Variants in NAALADL2 observed in about 807,000 individuals in gnomAD.
The protein encoded by NAALADL2 is N-acetylated alpha-linked acidic dipeptidase like 2, also known as inactive N-acetylated-alpha-linked acidic dipeptidase-like protein 2.
NAALADL2 carries 76 observed loss-of-function variants against 87.2 expected under a neutral mutation model. The observed-to-expected ratio is 0.87, with a 90% CI of 0.72 to 1.05. The LOEUF (loss-of-function observed/expected upper bound fraction) is 1.05. Ranked by LOEUF, NAALADL2 falls within the 50% of genes least tolerant of loss-of-function variation. The pLI is 0.00. For missense variants in NAALADL2, 1,089 were observed against 945.8 expected (o/e 1.15, Z -1.99); for synonymous variants, 354 against 331.0 (o/e 1.07, Z -0.75).
At chr3:174,906,308 C>T (rs1271008217) in intron 1 of NAALADL2, among the ~76,000 whole-genome samples, 1 of 152,066 alleles carries the variant, frequency 6.6e-6, no homozygotes, top group African/African-American at 2.4e-5. Flanking sequence ...CCTCTAATAT[C>T]CCTGCTTCTT....
At chr3:174,840,119 C>T (rs984808040) in intron 3 of NAALADL2, among the ~76,000 whole-genome samples, 10 of 151,066 alleles carry the variant, frequency 6.6e-5, no homozygotes, top group East Asian at 3.9e-4. Context: ...CATCAATCAA[C>T]GAGTGGATAA....
chr3:175,674,829 A>T (rs1380996351), intron 11 of NAALADL2, among the ~76,000 whole-genome samples: 2 of 152,218 alleles, frequency 1.3e-5, no homozygotes, highest in Non-Finnish European at 2.9e-5. Context: ...AGTTATACTT[A>T]AAAACACTGT....
intron 6 of NAALADL2, among the ~76,000 whole-genome samples, chr3:175,448,110 A>G (rs1009149622): frequency 1.9e-4 from 29 of 152,376 alleles, no homozygotes; most frequent in African/African-American, 7.0e-4. Context: ...CAACAAAAGC[A>G]TACAAAAAAG....
At chr3:175,030,740 TTAATG>T (rs1318575827) in intron 1 of NAALADL2, among the ~76,000 whole-genome samples, 3 of 152,150 alleles carry the variant, frequency 2.0e-5, no homozygotes, top group African/African-American at 7.2e-5. Context: ...GTACAAATCT[TTAATG>T]TAAGGAAGAA....
At chr3:175,306,084 T>C (rs1757686309) in intron 4 of NAALADL2, among the ~76,000 whole-genome samples, 1 of 152,108 alleles carries the variant, frequency 6.6e-6, no homozygotes, top group Admixed American at 6.5e-5. Flanking sequence ...AAAATGTATA[T>C]GTTTTATTTT....
At chr3:174,979,655 C>T (rs1372199049) in intron 1 of NAALADL2, among the ~76,000 whole-genome samples, 1 of 151,918 alleles carries the variant, frequency 6.6e-6, no homozygotes, top group Non-Finnish European at 1.5e-5. Flanking sequence ...ATCTAAAATA[C>T]AGAATTATTT....
chr3:175,087,381 C>A (rs542344430), intron 1 of NAALADL2, among the ~76,000 whole-genome samples: 10 of 152,146 alleles, frequency 6.6e-5, no homozygotes, highest in Non-Finnish European at 1.5e-4. Context: ...AGCGCCTCTG[C>A]CCGGCCGCCA....
chr3:175,576,240 A>C, intron 10 of NAALADL2, 53 bp downstream of exon 10: 1 of 1,501,908 alleles, frequency 6.7e-7, no homozygotes, highest in South Asian at 1.3e-5. Context: ...GTAGACCTGC[A>C]GAATTTGATT....
rs570104702 is a variant in NAALADL2 at position 174,891,088 on chromosome 3, C to T, written c.43+31638C>T. ...TCCATATCACAAATTATACTCTTAA[C>T]CAGGAATGCAAGGAGGTCTTCAGTA... is the stretch of plus-strand genomic sequence containing the variant. On this transcript the variant is annotated intron_variant, in intron 1 of 13. Transcript: ENST00000454872. 2.6e-5 allele frequency among the ~76,000 whole-genome samples: 4 copies of T among 151,832 alleles called. 1 individual carries two copies.
At chr3:175,470,137 T>C (rs1724650190) in intron 8 of NAALADL2, among the ~76,000 whole-genome samples, 1 of 152,028 alleles carries the variant, frequency 6.6e-6, no homozygotes, top group Non-Finnish European at 1.5e-5. Flanking sequence ...AAGAGATAAG[T>C]TTCTTGTTTT....
At chr3:175,684,782 G>A (rs1736043951) in intron 11 of NAALADL2, among the ~76,000 whole-genome samples, 1 of 152,030 alleles carries the variant, frequency 6.6e-6, no homozygotes, top group African/African-American at 2.4e-5. Context: ...CAGCCTGGGT[G>A]GCAGACATAG....
At chr3:175,546,239 T>C (rs1713293185) in intron 9 of NAALADL2, among the ~76,000 whole-genome samples, 7 of 152,130 alleles carry the variant, frequency 4.6e-5, no homozygotes, top group Admixed American at 3.9e-4. Flanking sequence ...TTCCATTTTT[T>C]TGGTAGATTT....
chr3:174,937,258 A>G (rs1737838412), intron 1 of NAALADL2, among the ~76,000 whole-genome samples: 1 of 152,060 alleles, frequency 6.6e-6, no homozygotes, highest in Non-Finnish European at 1.5e-5. Flanking sequence ...TACAGAAGAA[A>G]GCTAAGCTAG....
chr3:175,516,077 A>G (rs1731793519), intron 9 of NAALADL2, among the ~76,000 whole-genome samples: 1 of 152,242 alleles, frequency 6.6e-6, no homozygotes, highest in South Asian at 2.1e-4. Context: ...CATTGACTAA[A>G]CTGAGCATGT....
At chr3:174,522,807 G>A (rs903066216) in intron 1 of NAALADL2, among the ~76,000 whole-genome samples, 2 of 151,582 alleles carry the variant, frequency 1.3e-5, no homozygotes, top group Non-Finnish European at 2.9e-5. Context: ...GGTGGCGGGC[G>A]CCTGTAGTCC....
chr3:174,963,063 T>C (rs954221251), intron 1 of NAALADL2, among the ~76,000 whole-genome samples: 1 of 152,160 alleles, frequency 6.6e-6, no homozygotes, highest in Non-Finnish European at 1.5e-5. Flanking sequence ...AATTATTTTT[T>C]ATCTGCTGTC....
chr3:175,653,066 A>G (rs564407274), intron 11 of NAALADL2, among the ~76,000 whole-genome samples: 1 of 152,296 alleles, frequency 6.6e-6, no homozygotes, highest in African/African-American at 2.4e-5. Flanking sequence ...AATCATATAA[A>G]TAAGATAAAA....
intron 11 of NAALADL2, among the ~76,000 whole-genome samples, chr3:175,652,479 CTT>C (rs771774912): frequency 9.8e-5 from 13 of 132,368 alleles, no homozygotes; most frequent in East Asian, 6.3e-4. Flanking sequence ...TCTTTTCTTT[CTT>C]TTTTTTTTTT....
chr3:174,885,748 G>A (rs373713746), intron 1 of NAALADL2, among the ~76,000 whole-genome samples: 5 of 151,776 alleles, frequency 3.3e-5, no homozygotes, highest in South Asian at 4.2e-4. Context: ...TTCTCTAGAG[G>A]GACAAAACTA....
Sources: allele counts gnomAD v4.1 joint callset (sites outside exome capture counted in the v4.1 genomes callset), GRCh38; gene constraint gnomAD v4.1.1; transcripts MANE v1.5; gene names NCBI Gene and HGNC (gene_info 2026-07-23, HGNC 2026-07-21).